Variants in SF1 observed in about 807,000 individuals in gnomAD.
SF1 encodes branch point-binding protein.
SF1 carries 7 observed loss-of-function variants against 62.5 expected under a neutral mutation model. The observed-to-expected ratio is 0.11, with a 90% CI of 0.06 to 0.21. The LOEUF (loss-of-function observed/expected upper bound fraction) is 0.21. SF1 is among the 10% of genes least tolerant of loss of function. SF1 has a pLI of 1.00. For missense variants in SF1, 578 were observed against 884.0 expected, an observed-to-expected ratio of 0.65 and a Z score of 4.39; for synonymous variants, 394 against 323.6, an observed-to-expected ratio of 1.22 and a Z score of -2.33.
intron 1 of SF1, chr11:64,777,727 G>A (rs1369237850): frequency 2.9e-5 from 29 of 985,450 alleles, no homozygotes; most frequent in African/African-American, 5.2e-5. Context: ...AGTCTATACA[G>A]TTGCGCCGCA....
chr11:64,766,084 C>T lies in SF1; in HGVS notation c.1654G>A (p.Ala552Thr), dbSNP rs765841152. ...PPWQQQQAAAAASPGAPQMQG... is the reference protein window; with the variant it reads ...PPWQQQQAAATASPGAPQMQG... ...ATCTGAGGGGCTCCTGGAGAAGCTG[C>T]GGCAGCCGCCTGCTGCTGTTGCCAT... The change falls in exon 13 of 13, where the codon GCA becomes ACA. Residue 552 changes from alanine (A) to threonine (T), a missense_variant. By Grantham distance (58) the Ala-to-Thr change is moderately conservative (BLOSUM62 0). Around this residue, in one of 7 missense-constraint regions of SF1, gnomAD observed 410 missense variants for 452.4 expected, o/e 0.91. Transcript: ENST00000377390. The T allele has an allele frequency of 4.3e-6, 7 of 1,610,450 alleles. No homozygotes were observed. The highest frequency in any genetic ancestry group is 1.1e-5 in the South Asian group (1 of 91,054).
chr11:64,778,125 G>A, intron 1 of SF1: 5 of 851,544 alleles, frequency 5.9e-6, no homozygotes, highest in Non-Finnish European at 7.2e-6. Flanking sequence ...CCGGGGGACG[G>A]TGGCGGTGGA....
intron 1 of SF1, chr11:64,778,039 TGGCGGC>T (rs1372079564): frequency 4.0e-6 from 4 of 1,005,070 alleles, no homozygotes; most frequent in Non-Finnish European, 4.7e-6. Context: ...GCGGCTGGGG[TGGCGGC>T]GGCTGCGGCG....
At chr11:64,774,885 C>T (rs1468062201) in intron 2 of SF1, among the ~76,000 whole-genome samples, 6 of 150,968 alleles carry the variant, frequency 4.0e-5, no homozygotes, top group African/African-American at 1.2e-4. Context: ...CACTTGAACC[C>T]GGGAGACGCA....
chr11:64,772,765 C>T (rs1938538108), intron 3 of SF1: 3 of 985,012 alleles, frequency 3.0e-6, no homozygotes, highest in Admixed American at 6.2e-5. Flanking sequence ...ACTGAAATGA[C>T]ATGACCACAG....
At chr11:64,774,594 T>C (rs771951280) in intron 2 of SF1, among the ~76,000 whole-genome samples, 2 of 152,084 alleles carry the variant, frequency 1.3e-5, no homozygotes, top group African/African-American at 2.4e-5. Flanking sequence ...CCTTCTAACT[T>C]TAAATACATC....
Position 64,765,713 on chromosome 11 carries a change from T to C in SF1, c.*105A>G, listed in dbSNP as rs2058601348. 6.8e-7 allele frequency: 1 copy of C among 1,462,950 alleles called. No individual in the cohort carries two copies. The highest frequency in any genetic ancestry group is 2.7e-5 in the Admixed American group (1 of 36,960). The allele number at this position is 1,462,950 out of a possible 1,614,324, so 90.6% of individuals were successfully genotyped here. A position where few individuals can be genotyped will look rare whatever the true frequency, so the allele number is the denominator to read the frequency against. ...CACACACACATGCGTGCACACACAA[T>C]CACATGCGTGCGTCCCAATGTCTGG... On this transcript the variant is annotated 3_prime_UTR_variant, in exon 13 of 13. Coordinates refer to ENST00000377390, the MANE Select transcript of SF1 (RefSeq NM_004630.4).
In SF1 at chr11:64,765,811, A is replaced by C. The variant is rs1014976282; in HGVS notation, c.*7T>G. The C allele has an allele frequency of 6.5e-7, 1 of 1,532,044 alleles. No homozygotes were observed. Among genetic ancestry groups the C allele is most frequent in the Non-Finnish European group, 8.8e-7 (1 of 1,141,750 alleles). The allele number at this position is 1,532,044 out of a possible 1,614,324, so 94.9% of individuals were successfully genotyped here. A position where few individuals can be genotyped will look rare whatever the true frequency, so the allele number is the denominator to read the frequency against. On this transcript the variant is annotated 3_prime_UTR_variant, in exon 13 of 13. Transcript: ENST00000377390. ...ATATATAATATATATTTTCTTAAAAAACAAGTCTAGTTCTGTGGTGGAGGC... is the reference window on the plus strand; with the variant it reads ...ATATATAATATATATTTTCTTAAAACACAAGTCTAGTTCTGTGGTGGAGGC...
Position 64,765,089 on chromosome 11 carries a change from C to A in SF1, c.*729G>T. ...AAGGGTGGCAGAGATTAAAAAACCC[C>A]ACGCTTTAAACAAACATCTTTGGGG... On this transcript the variant is annotated 3_prime_UTR_variant, in exon 13 of 13. Transcript: ENST00000377390. 5.6e-6 allele frequency: 1 copy of A among 178,712 alleles called. No individual in the cohort carries two copies. Among genetic ancestry groups the A allele is most frequent in the Non-Finnish European group, 1.2e-5 (1 of 85,214 alleles). The allele number at this position is 178,712 out of a possible 1,614,324, so 11.1% of individuals were successfully genotyped here.
At chr11:64,767,124 G>C (rs1475799670) in intron 11 of SF1, 45 bp from the exon 12 acceptor site, 3 of 1,611,614 alleles carry the variant, frequency 1.9e-6, no homozygotes, top group African/African-American at 2.7e-5. Context: ...GGAAAGGCGG[G>C]GACTTGGGCC....
At chr11:64,772,692 T>A (rs977843074) in intron 3 of SF1, 5 of 985,236 alleles carry the variant, frequency 5.1e-6, no homozygotes, top group Non-Finnish European at 6.0e-6. Context: ...CTAATAAAAT[T>A]CCAGTTTAAA....
In SF1 at chr11:64,765,289, G is replaced by C. The variant is rs1327445882; in HGVS notation, c.*529C>G. Reference sequence around the variant, plus strand: ...AGCATCTCCTTGGACGGAGTCTGAAGAAAGGAAAAGATAAAGAAGTAACAA... The same window carrying C: ...AGCATCTCCTTGGACGGAGTCTGAACAAAGGAAAAGATAAAGAAGTAACAA... On this transcript the variant is annotated 3_prime_UTR_variant, in exon 13 of 13. Coordinates refer to ENST00000377390, the MANE Select transcript of SF1 (RefSeq NM_004630.4). 1 of 613,260 alleles carries C rather than the reference G, an allele frequency of 1.6e-6. No homozygotes were observed. The highest frequency in any genetic ancestry group is 1.9e-5 in the African/African-American group (1 of 53,356). The allele number at this position is 613,260 out of a possible 1,614,324, so 38.0% of individuals were successfully genotyped here.
chr11:64,765,596 G>C lies in SF1; in HGVS notation c.*222C>G. 5 of 1,516,614 alleles carry C rather than the reference G, an allele frequency of 3.3e-6. 1 individual carries two copies. The South Asian group carries it at 6.6e-5, about 20-fold the overall frequency. The allele number at this position is 1,516,614 out of a possible 1,614,324, so 93.9% of individuals were successfully genotyped here. A position where few individuals can be genotyped will look rare whatever the true frequency, so the allele number is the denominator to read the frequency against. The stretch of plus-strand genomic sequence containing the variant: ...AGACAAAGAAGACACTCGATGCTAC[G>C]GGGCGCCAGGAGAGCCCAAGCTGGC... On this transcript the variant is annotated 3_prime_UTR_variant, in exon 13 of 13. Transcript: ENST00000377390.
intron 2 of SF1, among the ~76,000 whole-genome samples, chr11:64,775,115 T>C (rs1033729987): frequency 2.0e-5 from 3 of 152,114 alleles, no homozygotes; most frequent in Non-Finnish European, 4.4e-5. Context: ...CAACTCGAGG[T>C]GAAAGTCACC....
At chr11:64,768,424 C>CTGGG in intron 8 of SF1, 138 bp from the exon 9 acceptor site, 1 of 754,962 alleles carries the variant, frequency 1.3e-6, no homozygotes, top group East Asian at 2.7e-5. Flanking sequence ...TAACCCCTTA[C>CTGGG]TGGGCATGGC....
At chr11:64,771,248 TA>T (rs1041161706) in intron 3 of SF1, among the ~76,000 whole-genome samples, 5 of 152,026 alleles carry the variant, frequency 3.3e-5, no homozygotes, top group African/African-American at 4.8e-5. Context: ...TTGCTACAAG[TA>T]AAAAAATGTA....
chr11:64,766,932 A>G lies in SF1; in HGVS notation c.1550T>C (p.Met517Thr). 1 of 1,285,940 alleles carries G rather than the reference A, an allele frequency of 7.8e-7. No individual in the cohort carries two copies. The highest frequency in any genetic ancestry group is 1.0e-6 in the Non-Finnish European group (1 of 994,510). The allele number at this position is 1,285,940 out of a possible 1,614,324, so 79.7% of individuals were successfully genotyped here. The change falls in exon 12 of 13, where the codon ATG (methionine) becomes ACG (threonine). Residue 517 changes from methionine (M) to threonine (T), a missense_variant. Around this residue, in one of 7 missense-constraint regions of SF1, gnomAD observed 410 missense variants for 452.4 expected, o/e 0.91. Transcript: ENST00000377390. ...PPPPPPPSSS[M>T]ASSTPLPWQQ... is the part of the protein sequence containing the mutation. ...CCATGGCAAGGGGGTACTGGAAGCCATACTGCTGCTGGGCGGAGGGGGTGG... is the reference window on the plus strand; with the variant it reads ...CCATGGCAAGGGGGTACTGGAAGCCGTACTGCTGCTGGGCGGAGGGGGTGG...
At chr11:64,778,152 G>A in intron 1 of SF1, 2 of 871,046 alleles carry the variant, frequency 2.3e-6, no homozygotes, top group Non-Finnish European at 2.9e-6. Context: ...GGCGGCTGCT[G>A]GGGAGGCGGA....
chr11:64,769,972 G>T lies in SF1; in HGVS notation c.471C>A (p.Ile157=), dbSNP rs1421988333. 3 of 1,612,342 alleles carry T rather than the reference G, an allele frequency of 1.9e-6. No homozygotes were observed. Among genetic ancestry groups the T allele is most frequent in the Non-Finnish European group, 2.5e-6 (3 of 1,178,428 alleles). The change falls in exon 5 of 13, where the codon ATC becomes ATA. Residue 157 remains isoleucine, a synonymous_variant. Coordinates refer to ENST00000377390, the MANE Select transcript of SF1 (RefSeq NM_004630.4). ...GACCAGCAGTTACTCACCTGGGCCC[G>T]ATGAGCAGCCCCACAAAGTTGATTT... ...YPEINFVGLL[I]GPRGNTLKNI...
Sources: gnomAD v4.1 joint callset for allele counts (sites outside exome capture counted in the v4.1 genomes callset) on GRCh38, gnomAD v4.1.1 for gene constraint, gnomAD v4.1.1 regional missense constraint, MANE v1.5 for transcripts, NCBI Gene and HGNC (gene_info 2026-07-23, HGNC 2026-07-21) for gene names.